The following CCDC39 variants were observed in gnomAD, a reference collection of about 807,000 sequenced individuals.
The protein encoded by CCDC39 is coiled-coil domain 39 molecular ruler complex subunit.
In CCDC39, 113 loss-of-function variants were observed where a neutral mutation model predicts 121.0. The ratio of observed to expected loss-of-function variants is 0.93; its 90% CI spans 0.80 to 1.09. The LOEUF (loss-of-function observed/expected upper bound fraction) is 1.09, where lower values mean the gene tolerates loss of function less well. CCDC39 is among the 50% of genes least tolerant of loss of function. The pLI is 0.00. For missense variants in CCDC39, 1,063 were observed against 1,074.7 expected, an observed-to-expected ratio of 0.99 and a Z score of 0.15; for synonymous variants, 349 against 352.2, an observed-to-expected ratio of 0.99 and a Z score of 0.10.
chr3:180,645,920 C>G (rs2108420793), intron 11 of CCDC39, among the ~76,000 whole-genome samples: 1 of 152,242 alleles, frequency 6.6e-6, no homozygotes, highest in South Asian at 2.1e-4. Flanking sequence ...CACAGCAAAA[C>G]AGACACAATC....
rs1711544892 is a variant in CCDC39 at position 180,654,855 on chromosome 3, A to G, written c.837T>C (p.Phe279=). 2 of 1,609,206 alleles carry G rather than the reference A, an allele frequency of 1.2e-6. No individual in the cohort carries two copies. Among genetic ancestry groups the G allele is most frequent in the Non-Finnish European group, 1.7e-6 (2 of 1,178,178 alleles). ...GATCAGCCACAGAAATTCTTTTCTCAAACTCTGTGTTATTCCCAATCTCAC... is the reference window on the plus strand; with the variant it reads ...GATCAGCCACAGAAATTCTTTTCTCGAACTCTGTGTTATTCCCAATCTCAC... ...LESEIGNNTE[F]EKRISVADRK... Residue 279 remains phenylalanine, a synonymous_variant, in exon 7 of 20, where the codon TTT becomes TTC. Transcript: ENST00000476379.
chr3:180,652,366 C>A, intron 7 of CCDC39, 100 bp from the exon 8 acceptor site: 1 of 616,356 alleles, frequency 1.6e-6, no homozygotes, highest in Admixed American at 3.9e-5. Context: ...TTCTAACCTA[C>A]ATCACACCCA....
At chr3:180,633,052 CAAAAT>C (rs1275148070) in intron 13 of CCDC39, among the ~76,000 whole-genome samples, 3 of 152,124 alleles carry the variant, frequency 2.0e-5, no homozygotes, top group South Asian at 2.1e-4. Flanking sequence ...CTTCATCACT[CAAAAT>C]AAACACCTCC....
intron 6 of CCDC39, among the ~76,000 whole-genome samples, chr3:180,656,838 G>T (rs960490819): frequency 5.3e-5 from 8 of 152,164 alleles, no homozygotes; most frequent in African/African-American, 1.9e-4. Context: ...CAGCACCATG[G>T]CAGTTTTCAA....
chr3:180,668,425 G>A (rs13097883), intron 1 of CCDC39, among the ~76,000 whole-genome samples: 10,591 of 151,938 alleles, frequency 0.07, 426 homozygotes, highest in African/African-American at 0.081. Context: ...CCAGACTTGG[G>A]GTCTTCAGAT....
intron 11 of CCDC39, among the ~76,000 whole-genome samples, chr3:180,645,525 G>A (rs1401824949): frequency 6.6e-6 from 1 of 151,884 alleles, no homozygotes; most frequent in Non-Finnish European, 1.5e-5. Context: ...GAAGTATTGG[G>A]ACCTAAGATT....
intron 13 of CCDC39, among the ~76,000 whole-genome samples, chr3:180,638,126 GAA>G (rs1717874462): frequency 6.6e-6 from 1 of 152,016 alleles, no homozygotes; most frequent in African/African-American, 2.4e-5. Flanking sequence ...TCAAGCAAGA[GAA>G]ACTTTAAAAT....
intron 9 of CCDC39, among the ~76,000 whole-genome samples, chr3:180,649,155 G>A (rs1407999810): frequency 2.0e-5 from 3 of 152,062 alleles, no homozygotes; most frequent in African/African-American, 7.2e-5. Flanking sequence ...GCTGGTAGGA[G>A]CACTACCAGC....
At chr3:180,621,218 A>G (rs981489431) in intron 14 of CCDC39, among the ~76,000 whole-genome samples, 1 of 152,144 alleles carries the variant, frequency 6.6e-6, no homozygotes, top group Non-Finnish European at 1.5e-5. Context: ...ACAGTGCTGC[A>G]ATAAACATAG....
At position 180,679,216 on chromosome 3, in the gene CCDC39, G is replaced by T; in HGVS notation, c.90+75C>A. The T allele has an allele frequency of 9.5e-7, 1 of 1,053,846 alleles. No homozygotes were observed. The highest frequency in any genetic ancestry group is 1.3e-5 in the South Asian group (1 of 79,724). 65.3% of individuals were successfully genotyped at this position (1,053,846 alleles called of 1,614,324 possible). ...GGAAAGGAGAGAAATAAAAGGGCTG[G>T]GGTAGTACTGCCAACCAGAAAACGC... On this transcript the variant is annotated intron_variant, in intron 1 of 19. Coordinates refer to ENST00000476379, the MANE Select transcript of CCDC39 (RefSeq NM_181426.2). The surrounding 1 kb of genome is among the most constrained non-coding windows in gnomAD (Gnocchi z 4.0).
chr3:180,654,658 AAC>A, intron 7 of CCDC39, 102 bp downstream of exon 7: 1 of 723,470 alleles, frequency 1.4e-6, no homozygotes, highest in Non-Finnish European at 2.0e-6. Context: ...AAAAAAAAAA[AAC>A]TAGAAGTAGT....
At chr3:180,635,502 G>A (rs753181675) in intron 13 of CCDC39, among the ~76,000 whole-genome samples, 6 of 152,178 alleles carry the variant, frequency 3.9e-5, no homozygotes, top group Non-Finnish European at 8.8e-5. Flanking sequence ...TACAATGGGG[G>A]TACAGGCATT....
intron 1 of CCDC39, among the ~76,000 whole-genome samples, chr3:180,665,197 C>A (rs1001053475): frequency 2.6e-5 from 4 of 152,174 alleles, no homozygotes; most frequent in East Asian, 1.9e-4. Flanking sequence ...TACCTAGAAA[C>A]TGTTGCTTAA....
chr3:180,647,849 A>G lies in CCDC39; in HGVS notation c.1362+316T>C, dbSNP rs561873798. Among the ~76,000 whole-genome samples, 3 of 151,942 alleles carry G rather than the reference A, an allele frequency of 2.0e-5. No homozygotes were observed. The South Asian group carries it at 6.2e-4, about 32-fold the overall frequency. On this transcript the variant is annotated intron_variant, in intron 10 of 19. Transcript: ENST00000476379. Reference sequence around the variant, plus strand: ...GGTGCCTAACTAAGAATCAACATACAGTTTTTCTCGGTTTCAGATATCTCG... The same window carrying G: ...GGTGCCTAACTAAGAATCAACATACGGTTTTTCTCGGTTTCAGATATCTCG...
intron 10 of CCDC39, among the ~76,000 whole-genome samples, chr3:180,647,672 A>G (rs553345574): frequency 3.3e-4 from 51 of 152,292 alleles, no homozygotes; most frequent in African/African-American, 1.2e-3. Flanking sequence ...TAACATCTGT[A>G]ATTTTTAAAA....
Position 180,660,562 on chromosome 3 carries a change from T to C in CCDC39, c.516+8A>G, listed in dbSNP as rs754059934. Reference sequence around the variant, plus strand: ...AAAACCTAACAGTTACAATTTGTAATTTCTCACCCTGATTTTATTATCATC... The same window carrying C: ...AAAACCTAACAGTTACAATTTGTAACTTCTCACCCTGATTTTATTATCATC... On this transcript the variant is annotated splice_region_variant and intron_variant, in intron 4 of 19. Transcript: ENST00000476379. 3 of 1,560,092 alleles carry C rather than the reference T, an allele frequency of 1.9e-6. No homozygotes were observed. The highest frequency in any genetic ancestry group is 2.6e-6 in the Non-Finnish European group (3 of 1,147,302).
Position 180,648,279 on chromosome 3 carries a change from T to G in CCDC39, c.1248A>C (p.Glu416Asp). 6.2e-7 allele frequency: 1 copy of G among 1,613,148 alleles called. No individual in the cohort carries two copies. Among genetic ancestry groups the G allele is most frequent in the East Asian group, 2.2e-5 (1 of 44,832 alleles). Residue 416 changes from glutamate (E) to aspartate (D), a missense_variant, in exon 10 of 20, where the codon GAA becomes GAC. Coordinates refer to ENST00000476379, the MANE Select transcript of CCDC39 (RefSeq NM_181426.2). ...CTTCAATTTCTGATAAAACAGCTTTTTCTTTCATTGTCTCAGTCTGTAACT... is the reference window on the plus strand; with the variant it reads ...CTTCAATTTCTGATAAAACAGCTTTGTCTTTCATTGTCTCAGTCTGTAACT... ...AQELQTETMKEKAVLSEIEGT... is the reference protein window; with the variant it reads ...AQELQTETMKDKAVLSEIEGT...
rs759900725 is a variant in CCDC39, at chr3:180,631,580, G to A, written c.1887C>T (p.Arg629=). 1.8e-4 allele frequency: 287 copies of A among 1,606,292 alleles called. No individual in the cohort carries two copies. The highest frequency in any genetic ancestry group is 2.2e-4 in the Non-Finnish European group (265 of 1,178,704). The change falls in exon 14 of 20, where the codon CGC becomes CGT. Residue 629 remains arginine (R), a synonymous_variant. Coordinates refer to ENST00000476379, the MANE Select transcript of CCDC39 (RefSeq NM_181426.2). Reference sequence around the variant, plus strand: ...GCTTCTCAATTTTACTTAGCCGCTCGCGAAACTCAGTGCTAATAAGAAAAA... The same window carrying A: ...GCTTCTCAATTTTACTTAGCCGCTCACGAAACTCAGTGCTAATAAGAAAAA... The part of the protein sequence containing the change: ...QERENISTEF[R]ERLSKIEKLK...
rs1307387560 is a variant in CCDC39 at position 180,679,301 on chromosome 3, A to G, written c.80T>C (p.Leu27Pro). 2.5e-6 allele frequency: 4 copies of G among 1,613,638 alleles called. No homozygotes were observed. The highest frequency in any genetic ancestry group is 1.3e-5 in the African/African-American group (1 of 74,920). ...TTCAATTGATCTCACCTGATCTTCC[A>G]GTAGCTTGTTCTCCTCGTTCGCCAC... is the stretch of plus-strand genomic sequence containing the variant. ...IPVANEENKLLEDQLSKLKDE... is the reference protein window; with the variant it reads ...IPVANEENKLPEDQLSKLKDE... The change falls in exon 1 of 20, where the codon CTG (leucine) becomes CCG (proline). Residue 27 changes from leucine (L) to proline (P), a missense_variant. Leu to Pro is a moderately conservative substitution (Grantham distance 98). Coordinates refer to ENST00000476379, the MANE Select transcript of CCDC39 (RefSeq NM_181426.2). The surrounding 1 kb of genome is among the most constrained non-coding windows in gnomAD (Gnocchi z 4.0).
Sources: gnomAD v4.1 joint callset for allele counts (sites outside exome capture counted in the v4.1 genomes callset) on GRCh38, gnomAD v4.1.1 for gene constraint, Gnocchi (gnomAD v3.1) non-coding constraint, MANE v1.5 for transcripts, NCBI Gene and HGNC (gene_info 2026-07-23, HGNC 2026-07-21) for gene names.